Variants in PLPP1 observed in about 807,000 individuals in gnomAD.
PLPP1 encodes phospholipid phosphatase 1.
PLPP1 carries 24 observed loss-of-function variants against 31.2 expected under a neutral mutation model. That is an observed-to-expected ratio of 0.77 (90% CI 0.56 to 1.08). The LOEUF is 1.08. Ranked by LOEUF, PLPP1 falls within the 50% of genes least tolerant of loss-of-function variation. The pLI, the probability that PLPP1 is intolerant of heterozygous loss-of-function variation, is 0.00. For synonymous variants in PLPP1, 146 were observed against 126.3 expected (o/e 1.16, Z -1.05); for missense variants, 319 against 342.7 (o/e 0.93, Z 0.55).
At chr5:55,526,620 A>C (rs138007745) in intron 1 of PLPP1, among the ~76,000 whole-genome samples, 111 of 152,314 alleles carry the variant, frequency 7.3e-4, no homozygotes, top group African/African-American at 2.4e-3. Context: ...CAGAAGCAAA[A>C]TAAGTTTCCT....
chr5:55,494,493 G>A (rs1302496280), intron 1 of PLPP1, among the ~76,000 whole-genome samples: 1 of 152,114 alleles, frequency 6.6e-6, no homozygotes, highest in Non-Finnish European at 1.5e-5. Context: ...TGCCTTTGGG[G>A]CAATCTGGCA....
At chr5:55,524,212 T>C (rs949658098) in intron 1 of PLPP1, among the ~76,000 whole-genome samples, 2 of 152,150 alleles carry the variant, frequency 1.3e-5, no homozygotes, top group Non-Finnish European at 2.9e-5. Flanking sequence ...ACTAGAAGAA[T>C]TGTCTTGGGG....
At chr5:55,447,824 G>C (rs1019563655) in intron 3 of PLPP1, among the ~76,000 whole-genome samples, 3 of 152,200 alleles carry the variant, frequency 2.0e-5, no homozygotes, top group African/African-American at 7.2e-5. Context: ...TTTAGAGACA[G>C]GGTCTCGCTC....
At chr5:55,446,831 G>A (rs937940098) in intron 3 of PLPP1, among the ~76,000 whole-genome samples, 1 of 152,086 alleles carries the variant, frequency 6.6e-6, no homozygotes, top group Non-Finnish European at 1.5e-5. Context: ...CCACTCTTCG[G>A]GAGTTCTCAC....
At position 55,425,846 on chromosome 5, in the gene PLPP1, T is replaced by G. The variant is rs1054028520; in HGVS notation, c.726+17A>C. On this transcript the variant is annotated intron_variant, in intron 5 of 5. Transcript: ENST00000307259. ...TTTAGCAATATCAAGATGTAGGCTGTTGACCTGTATACTTACAACTAATAT... is the reference window on the plus strand; with the variant it reads ...TTTAGCAATATCAAGATGTAGGCTGGTGACCTGTATACTTACAACTAATAT... The G allele has an allele frequency of 6.4e-7, 1 of 1,563,174 alleles. No individual in the cohort carries two copies. Among genetic ancestry groups the G allele is most frequent in the African/African-American group, 1.4e-5 (1 of 72,634 alleles).
rs1030462829 is a variant in PLPP1 at position 55,517,063 on chromosome 5, T to C, written c.58+17509A>G. Among the ~76,000 whole-genome samples, 15 of 152,356 alleles carry C rather than the reference T, an allele frequency of 9.8e-5. 1 individual carries two copies. In the South Asian group the frequency reaches 2.7e-3, roughly 27 times the overall value. On this transcript the variant is annotated intron_variant, in intron 1 of 5. Transcript: ENST00000307259. ...TAAAATATGTCTATGGCTAGCCTCA[T>C]AGCAACTATAACACTTCTGCTACAA...
chr5:55,443,052 A>G (rs1223189845), intron 3 of PLPP1, among the ~76,000 whole-genome samples: 1 of 151,788 alleles, frequency 6.6e-6, no homozygotes, highest in Non-Finnish European at 1.5e-5. Flanking sequence ...GCCTTGTTCA[A>G]AAGGAATTTA....
intron 1 of PLPP1, among the ~76,000 whole-genome samples, chr5:55,505,057 C>T (rs1349728383): frequency 2.0e-5 from 3 of 151,980 alleles, no homozygotes; most frequent in East Asian, 1.9e-4. Context: ...GTGATGCGTC[C>T]GCCTTGGCCT....
intron 1 of PLPP1, among the ~76,000 whole-genome samples, chr5:55,515,178 A>G (rs1753529668): frequency 6.6e-6 from 1 of 152,236 alleles, no homozygotes; most frequent in Non-Finnish European, 1.5e-5. Flanking sequence ...AGAAAACAAT[A>G]TATCAAATTC....
At chr5:55,492,222 T>C (rs1262316354) in intron 1 of PLPP1, among the ~76,000 whole-genome samples, 1 of 152,172 alleles carries the variant, frequency 6.6e-6, no homozygotes, top group African/African-American at 2.4e-5. Flanking sequence ...CAAATTTGTA[T>C]AAAACCAATA....
chr5:55,448,250 A>T (rs1461183172), intron 3 of PLPP1, among the ~76,000 whole-genome samples: 1 of 152,180 alleles, frequency 6.6e-6, no homozygotes, highest in African/African-American at 2.4e-5. Flanking sequence ...ATACTTAAGG[A>T]ATCAAGTAGG....
At chr5:55,479,057 T>C (rs1228254581) in intron 1 of PLPP1, among the ~76,000 whole-genome samples, 4 of 149,872 alleles carry the variant, frequency 2.7e-5, no homozygotes, top group Non-Finnish European at 5.9e-5. Flanking sequence ...AGAGTTTCAC[T>C]GTTGCTGCCC....
intron 3 of PLPP1, among the ~76,000 whole-genome samples, chr5:55,460,552 GC>G (rs1199481973): frequency 2.6e-5 from 4 of 152,210 alleles, no homozygotes; most frequent in African/African-American, 9.6e-5. Context: ...ACAATTTGAT[GC>G]CAATAAACTT....
intron 1 of PLPP1, among the ~76,000 whole-genome samples, chr5:55,504,121 A>C (rs951035839): frequency 1.3e-5 from 2 of 151,954 alleles, no homozygotes; most frequent in African/African-American, 4.8e-5. Context: ...CTATAATCCC[A>C]GCACTTTGGG....
At chr5:55,433,507 ATT>A (rs561889897) in intron 4 of PLPP1, among the ~76,000 whole-genome samples, 4 of 59,838 alleles carry the variant, frequency 6.7e-5, no homozygotes, top group African/African-American at 1.1e-4. Flanking sequence ...AATCTCTAGC[ATT>A]TTTTTTTTTT....
intron 3 of PLPP1, among the ~76,000 whole-genome samples, chr5:55,459,303 C>T (rs534392331): frequency 1.1e-4 from 17 of 150,218 alleles, no homozygotes; most frequent in Non-Finnish European, 1.8e-4. Flanking sequence ...ACAAAGTTTA[C>T]GCAAATGAAA....
intron 1 of PLPP1, among the ~76,000 whole-genome samples, chr5:55,534,006 C>T (rs1315520707): frequency 1.3e-5 from 2 of 152,166 alleles, no homozygotes; most frequent in Admixed American, 1.3e-4. Flanking sequence ...CGCATCCTCC[C>T]CCACCCCCAA....
intron 3 of PLPP1, among the ~76,000 whole-genome samples, chr5:55,455,680 C>G (rs977120587): frequency 3.9e-5 from 6 of 152,108 alleles, no homozygotes; most frequent in African/African-American, 1.4e-4. Context: ...TTCATCCTAA[C>G]GGTAAATATA....
At chr5:55,458,914 A>AAAAAAAC (rs1387046910) in intron 3 of PLPP1, among the ~76,000 whole-genome samples, 2 of 148,868 alleles carry the variant, frequency 1.3e-5, no homozygotes, top group Admixed American at 6.8e-5. Flanking sequence ...AAAAAAAAAA[A>AAAAAAAC]AACACATAGC....
Sources: allele counts gnomAD v4.1 joint callset (sites outside exome capture counted in the v4.1 genomes callset), GRCh38; gene constraint gnomAD v4.1.1; transcripts MANE v1.5; gene names NCBI Gene and HGNC (gene_info 2026-07-23, HGNC 2026-07-21).